Variants in ZNF385D observed in about 807,000 individuals in gnomAD.
The protein encoded by ZNF385D is zinc finger protein 385D.
A neutral mutation model predicts 35.8 loss-of-function variants in ZNF385D; 15 were observed. That is an observed-to-expected ratio of 0.42 (90% confidence interval 0.28 to 0.64). The LOEUF is 0.64. Ranked by LOEUF, ZNF385D falls within the 30% of genes least tolerant of loss-of-function variation. ZNF385D has a pLI of 0.23. For synonymous variants in ZNF385D, 212 were observed against 186.8 expected (o/e 1.13, Z -1.10); for missense variants, 474 against 494.6 (o/e 0.96, Z 0.39).
chr3:21,575,134 G>A (rs1273634739), intron 2 of ZNF385D, among the ~76,000 whole-genome samples: 1 of 152,140 alleles, frequency 6.6e-6, no homozygotes, highest in Non-Finnish European at 1.5e-5. Context: ...ACGTAAAAAT[G>A]CCAATCATTC....
intron 2 of ZNF385D, among the ~76,000 whole-genome samples, chr3:22,207,781 G>A (rs1171873758): frequency 1.3e-5 from 2 of 151,958 alleles, no homozygotes; most frequent in East Asian, 1.9e-4. Context: ...ATGGGCAAAA[G>A]ATGTGAAATA....
chr3:22,110,194 T>G (rs1489350429), intron 3 of ZNF385D, among the ~76,000 whole-genome samples: 3 of 152,264 alleles, frequency 2.0e-5, no homozygotes, highest in Non-Finnish European at 1.5e-5. Context: ...TTGGTGGGAC[T>G]GTAAACTAGT....
chr3:22,085,338 T>C (rs534557782), intron 3 of ZNF385D, among the ~76,000 whole-genome samples: 3 of 151,536 alleles, frequency 2.0e-5, no homozygotes, highest in East Asian at 3.9e-4. Context: ...ACAAGACTAA[T>C]AAAGAAGAAA....
At chr3:21,794,912 G>A (rs952819206) in intron 3 of ZNF385D, among the ~76,000 whole-genome samples, 3 of 152,114 alleles carry the variant, frequency 2.0e-5, no homozygotes, top group African/African-American at 7.2e-5. Flanking sequence ...ATGCTATTAT[G>A]ACAATTAAGT....
chr3:21,581,490 A>G (rs2063661986), intron 2 of ZNF385D, among the ~76,000 whole-genome samples: 1 of 152,174 alleles, frequency 6.6e-6, no homozygotes, highest in Non-Finnish European at 1.5e-5. Context: ...AGGGTGTTGT[A>G]TTTATCTTAA....
intron 3 of ZNF385D, among the ~76,000 whole-genome samples, chr3:22,123,948 CTCTCTCTCTCTCTCTATA>C (rs1435870220): frequency 1.9e-4 from 19 of 102,124 alleles, no homozygotes; most frequent in East Asian, 3.0e-4. Flanking sequence ...CTCTCTCTCT[CTCTCTCTCTCTCTCTATA>C]TATATATATA....
chr3:22,219,842 C>T lies in ZNF385D; in HGVS notation c.107-50807G>A, dbSNP rs114386395. 4.9e-3 allele frequency among the ~76,000 whole-genome samples: 738 copies of T among 152,104 alleles called. 10 individuals are homozygous for T. Among genetic ancestry groups the T allele is most frequent in the African/African-American group, 0.017 (688 of 41,516 alleles). On this transcript the variant is annotated intron_variant, in intron 2 of 5. Coordinates refer to the ZNF385D transcript ENST00000494108. ...TTTGGGTAACTGGTGAAGAATTTTC[C>T]GGTTTCAGAGACTTTTAGATCTTGG...
chr3:22,277,518 G>A (rs1223988241), intron 2 of ZNF385D, among the ~76,000 whole-genome samples: 3 of 152,082 alleles, frequency 2.0e-5, no homozygotes, highest in Non-Finnish European at 4.4e-5. Context: ...ATCACATGCT[G>A]ATTAATGAAT....
intron 2 of ZNF385D, among the ~76,000 whole-genome samples, chr3:21,645,368 G>A (rs1377646676): frequency 6.6e-6 from 1 of 152,096 alleles, no homozygotes; most frequent in Non-Finnish European, 1.5e-5. Context: ...GAAGTCAGAA[G>A]GCAGTTAAGA....
intron 4 of ZNF385D, among the ~76,000 whole-genome samples, chr3:21,479,575 A>T (rs1704473397): frequency 6.6e-6 from 1 of 152,134 alleles, no homozygotes. Flanking sequence ...AAGGATTTTG[A>T]TTTAGAATTA....
intron 3 of ZNF385D, among the ~76,000 whole-genome samples, chr3:21,794,266 C>A (rs1559627972): frequency 6.6e-6 from 1 of 151,808 alleles, no homozygotes; most frequent in Non-Finnish European, 1.5e-5. Flanking sequence ...AGTTTTAAAC[C>A]TAAGAGCTTA....
chr3:21,551,162 G>A (rs2062555129), intron 3 of ZNF385D, among the ~76,000 whole-genome samples: 1 of 152,176 alleles, frequency 6.6e-6, no homozygotes, highest in Non-Finnish European at 1.5e-5. Context: ...CATGAGGTAA[G>A]AAACCTTCAG....
At chr3:21,809,672 A>ACATACACATATG (rs60774764) in intron 3 of ZNF385D, among the ~76,000 whole-genome samples, 1 of 149,420 alleles carries the variant, frequency 6.7e-6, no homozygotes, top group Non-Finnish European at 1.5e-5. Flanking sequence ...ATACACATAT[A>ACATACACATATG]TACACACATA....
intron 3 of ZNF385D, among the ~76,000 whole-genome samples, chr3:22,023,041 T>G (rs761979751): frequency 7.2e-5 from 11 of 152,176 alleles, no homozygotes; most frequent in South Asian, 2.1e-4. Flanking sequence ...AAAAATAATG[T>G]GTATTCCAGG....
intron 2 of ZNF385D, among the ~76,000 whole-genome samples, chr3:21,654,805 A>G (rs1163182722): frequency 6.6e-6 from 1 of 152,076 alleles, no homozygotes; most frequent in African/African-American, 2.4e-5. Context: ...TTTCCATTAA[A>G]CAGTTCTCAG....
intron 3 of ZNF385D, among the ~76,000 whole-genome samples, chr3:21,821,040 A>C (rs182542917): frequency 8.6e-4 from 131 of 152,206 alleles, no homozygotes; most frequent in Non-Finnish European, 6.6e-4. Flanking sequence ...CAATAATTAA[A>C]AATATCCAAC....
chr3:21,933,275 G>A (rs1162959403), intron 3 of ZNF385D, among the ~76,000 whole-genome samples: 2 of 152,144 alleles, frequency 1.3e-5, no homozygotes, highest in Admixed American at 1.3e-4. Flanking sequence ...ATTAGGAGTT[G>A]CAAAGGTTCA....
intron 2 of ZNF385D, among the ~76,000 whole-genome samples, chr3:21,566,969 A>T (rs1406127607): frequency 9.2e-5 from 14 of 152,124 alleles, no homozygotes; most frequent in Non-Finnish European, 2.1e-4. Flanking sequence ...TTGTGTCTGG[A>T]ATCTTTCATT....
At chr3:22,137,749 A>G (rs1023395872) in intron 3 of ZNF385D, among the ~76,000 whole-genome samples, 49 of 152,160 alleles carry the variant, frequency 3.2e-4, no homozygotes, top group African/African-American at 1.1e-3. Flanking sequence ...ATTCCCTTTG[A>G]AAACTGGCAC....
Sources: gnomAD v4.1 joint callset for allele counts (sites outside exome capture counted in the v4.1 genomes callset) on GRCh38, gnomAD v4.1.1 for gene constraint, MANE v1.5 for transcripts, NCBI Gene and HGNC (gene_info 2026-07-23, HGNC 2026-07-21) for gene names.